TTLL11: variants seen among roughly 807,000 people sequenced by gnomAD.
The protein encoded by TTLL11 is tubulin polyglutamylase TTLL11.
A neutral mutation model predicts 51.7 loss-of-function variants in TTLL11; 42 were observed. The observed-to-expected ratio is 0.81, with a 90% CI of 0.64 to 1.05. The LOEUF (loss-of-function observed/expected upper bound fraction) is 1.05. TTLL11 is among the 50% of genes least tolerant of loss of function. TTLL11 has a pLI of 0.00. For missense variants in TTLL11, 799 were observed against 940.4 expected (o/e 0.85, Z 1.97); for synonymous variants, 381 against 383.5 (o/e 0.99, Z 0.08).
Position 122,092,723 on chromosome 9 carries a change from G to A in TTLL11, c.426C>T (p.Ala142=), listed in dbSNP as rs1421228048. 1.3e-6 allele frequency: 2 copies of A among 1,537,854 alleles called. No homozygotes were observed. Among genetic ancestry groups the A allele is most frequent in the Non-Finnish European group, 1.7e-6 (2 of 1,147,266 alleles). Residue 142 remains alanine (A), a synonymous_variant, in exon 1 of 9, where the codon GCC becomes GCT. Coordinates refer to ENST00000321582, the MANE Select transcript of TTLL11 (RefSeq NM_001139442.2). ...DSSKARTSLD[A]LKISIRQLKW... is the part of the protein sequence containing the mutation. ...TGAGCTGGCGGATGCTGATCTTCAG[G>A]GCATCCAGGGAGGTCCTGGCCTTGG... is the stretch of plus-strand genomic sequence containing the variant.
intron 1 of TTLL11, among the ~76,000 whole-genome samples, chr9:122,089,158 A>T (rs940786158): frequency 5.9e-5 from 9 of 152,190 alleles, no homozygotes; most frequent in Admixed American, 4.6e-4. Context: ...CACCCATAAA[A>T]GGAGACACAG....
In TTLL11 at chr9:121,865,007, T is replaced by C. The variant is rs184768633; in HGVS notation, c.1734-4564A>G. Among the ~76,000 whole-genome samples, 88 of 152,294 alleles carry C rather than the reference T, an allele frequency of 5.8e-4. 1 individual carries two copies. The highest frequency in any genetic ancestry group is 2.0e-3 in the African/African-American group (82 of 41,554). ...TGTGAAAGCTAACAAATGATCAATA[T>C]TTATTTTTTAAAAACCACACTACCT... is the stretch of plus-strand genomic sequence containing the variant. On this transcript the variant is annotated intron_variant, in intron 7 of 8. Coordinates refer to ENST00000321582, the MANE Select transcript of TTLL11 (RefSeq NM_001139442.2).
At chr9:122,026,909 T>TAAAAA (rs57149192) in intron 3 of TTLL11, among the ~76,000 whole-genome samples, 1 of 119,920 alleles carries the variant, frequency 8.3e-6, no homozygotes. Flanking sequence ...AAGTTCATTC[T>TAAAAA]AAAAAAAAAA....
chr9:121,999,392 C>A (rs1843392826), intron 3 of TTLL11, among the ~76,000 whole-genome samples: 1 of 152,162 alleles, frequency 6.6e-6, no homozygotes, highest in Non-Finnish European at 1.5e-5. Flanking sequence ...TCTCTCAAAT[C>A]TACCCCTCCT....
At chr9:121,868,407 T>C (rs1838245411) in intron 7 of TTLL11, among the ~76,000 whole-genome samples, 1 of 152,148 alleles carries the variant, frequency 6.6e-6, no homozygotes, top group Non-Finnish European at 1.5e-5. Context: ...ACGCAGATGG[T>C]GGTAGCCAGT....
chr9:121,940,009 A>G (rs1841385685), intron 6 of TTLL11, among the ~76,000 whole-genome samples: 1 of 152,158 alleles, frequency 6.6e-6, no homozygotes, highest in East Asian at 1.9e-4. Flanking sequence ...GACTGCCGAG[A>G]AAGGACAAAT....
At chr9:121,945,842 A>G (rs1164682380) in intron 6 of TTLL11, among the ~76,000 whole-genome samples, 1 of 145,020 alleles carries the variant, frequency 6.9e-6, no homozygotes, top group Non-Finnish European at 1.5e-5. Flanking sequence ...TGGAAATTAC[A>G]AACACACTCC....
At chr9:121,899,133 C>T (rs1276268593) in intron 6 of TTLL11, among the ~76,000 whole-genome samples, 1 of 152,040 alleles carries the variant, frequency 6.6e-6, no homozygotes, top group Admixed American at 6.5e-5. Flanking sequence ...CTTGCAGCTC[C>T]TTGAACTTGC....
At chr9:122,068,260 A>G (rs1383089563) in intron 1 of TTLL11, among the ~76,000 whole-genome samples, 1 of 152,208 alleles carries the variant, frequency 6.6e-6, no homozygotes, top group African/African-American at 2.4e-5. Context: ...GTACATAAAA[A>G]GGGCTATTTA....
chr9:121,880,816 C>T (rs7033700), intron 6 of TTLL11, among the ~76,000 whole-genome samples: 91,263 of 152,124 alleles, frequency 0.6, 27,907 homozygotes, highest in East Asian at 0.85. Flanking sequence ...CAGTTACTAA[C>T]GTGAGTTTAC....
intron 8 of TTLL11, among the ~76,000 whole-genome samples, chr9:121,857,259 CCG>C (rs1199116276): frequency 6.6e-6 from 1 of 152,240 alleles, no homozygotes; most frequent in Non-Finnish European, 1.5e-5. Context: ...TTTTATCCTC[CCG>C]CTGCTGCCGT....
chr9:122,069,517 A>C (rs1564384069), intron 1 of TTLL11, among the ~76,000 whole-genome samples: 1 of 152,174 alleles, frequency 6.6e-6, no homozygotes, highest in African/African-American at 2.4e-5. Flanking sequence ...ACCTCGTCCT[A>C]CTAAAAATAC....
chr9:122,082,917 T>TG (rs1218242513), intron 1 of TTLL11, among the ~76,000 whole-genome samples: 2 of 151,954 alleles, frequency 1.3e-5, no homozygotes, highest in Non-Finnish European at 2.9e-5. Context: ...TCCCAGCTCC[T>TG]GGGGGGCGAG....
intron 8 of TTLL11, among the ~76,000 whole-genome samples, chr9:121,835,427 T>A (rs181343143): frequency 1.1e-3 from 167 of 152,086 alleles, no homozygotes; most frequent in African/African-American, 3.9e-3. Context: ...CAGATGGAAA[T>A]CTCAAGGAAA....
chr9:121,948,924 G>C (rs919644378), intron 6 of TTLL11, among the ~76,000 whole-genome samples: 1 of 152,164 alleles, frequency 6.6e-6, no homozygotes, highest in African/African-American at 2.4e-5. Flanking sequence ...ACCAAAATGG[G>C]AATGTGTCCT....
chr9:121,870,859 G>T, intron 6 of TTLL11, 111 bp from the exon 7 acceptor site: 1 of 1,224,650 alleles, frequency 8.2e-7, no homozygotes, highest in Non-Finnish European at 1.1e-6. Context: ...TTATTTTACA[G>T]ACAGCAAGAC....
chr9:121,996,650 T>C (rs1189694792), intron 3 of TTLL11, among the ~76,000 whole-genome samples: 1 of 152,222 alleles, frequency 6.6e-6, no homozygotes, highest in Admixed American at 6.5e-5. Flanking sequence ...ACAATTACTT[T>C]TGCACCAACC....
At chr9:121,943,333 C>A (rs56081524) in intron 6 of TTLL11, among the ~76,000 whole-genome samples, 12,158 of 152,176 alleles carry the variant, frequency 0.08, 742 homozygotes, top group African/African-American at 0.17. Flanking sequence ...TCTTCTTAGG[C>A]GTACGGACCG....
chr9:121,959,127 G>C (rs1280432288), intron 6 of TTLL11, among the ~76,000 whole-genome samples: 1 of 152,166 alleles, frequency 6.6e-6, no homozygotes, highest in East Asian at 1.9e-4. Flanking sequence ...CAGCAGGCAG[G>C]GCCGAGCTCT....
Sources: gnomAD v4.1 joint callset for allele counts (sites outside exome capture counted in the v4.1 genomes callset) on GRCh38, gnomAD v4.1.1 for gene constraint, MANE v1.5 for transcripts, NCBI Gene and HGNC (gene_info 2026-07-23, HGNC 2026-07-21) for gene names.